The following PARD3B variants were observed in gnomAD, a reference collection of about 807,000 sequenced individuals.
The protein encoded by PARD3B is partitioning defective 3 homolog B.
PARD3B carries 103 observed loss-of-function variants against 130.2 expected under a neutral mutation model. The observed-to-expected ratio is 0.79, with a 90% CI of 0.67 to 0.93. The LOEUF is 0.93. PARD3B is among the 40% of genes least tolerant of loss of function. The pLI, the probability that PARD3B is intolerant of heterozygous loss-of-function variation, is 0.00. For synonymous variants in PARD3B, 583 were observed against 553.2 expected (o/e 1.05, Z -0.76); for missense variants, 1,609 against 1,499.2 (o/e 1.07, Z -1.21).
At chr2:204,776,682 G>A (rs12104716) in intron 2 of PARD3B, among the ~76,000 whole-genome samples, 31,374 of 151,618 alleles carry the variant, frequency 0.21, 3,357 homozygotes, top group African/African-American at 0.26. Flanking sequence ...TTAGGGTTAG[G>A]GAAGTGGGCA....
rs59994946 is a variant in PARD3B at position 204,653,284 on chromosome 2, TAAA to T, written c.121-32886_121-32884del. On this transcript the variant is annotated intron_variant, in intron 1 of 22. Transcript: ENST00000406610. ...CTGAACCTAAAATAAAAGTTAAAAT[TAAA>T]AAAAAAAAAACCTAGCTATTATGGA... Among the ~76,000 whole-genome samples, 51 of 147,610 alleles carry T rather than the reference TAAA, an allele frequency of 3.5e-4. 2 individuals are homozygous for T. The highest frequency in any genetic ancestry group is 4.6e-4 in the Non-Finnish European group (31 of 67,482).
chr2:205,204,319 G>A (rs536317792), intron 15 of PARD3B, among the ~76,000 whole-genome samples: 1 of 152,244 alleles, frequency 6.6e-6, no homozygotes, highest in East Asian at 1.9e-4. Flanking sequence ...TTGTAAATTT[G>A]TTTAAGTTCC....
chr2:204,704,201 A>G (rs1380423742), intron 2 of PARD3B, among the ~76,000 whole-genome samples: 2 of 152,202 alleles, frequency 1.3e-5, no homozygotes, highest in African/African-American at 2.4e-5. Flanking sequence ...AGAACTTTTC[A>G]TCATAACAGT....
intron 3 of PARD3B, among the ~76,000 whole-genome samples, chr2:205,022,865 C>T (rs1369758964): frequency 6.6e-6 from 1 of 152,146 alleles, no homozygotes; most frequent in Non-Finnish European, 1.5e-5. Context: ...GCAAGGCATC[C>T]TTCTACATCT....
intron 20 of PARD3B, among the ~76,000 whole-genome samples, chr2:205,488,933 T>C (rs1374559230): frequency 6.6e-6 from 1 of 152,196 alleles, no homozygotes; most frequent in Non-Finnish European, 1.5e-5. Flanking sequence ...AACAGCTATA[T>C]CTATATGAAT....
rs2042310190 is a variant in PARD3B at position 205,309,810 on chromosome 2, G to C, written c.2630+8109G>C. Among the ~76,000 whole-genome samples, 1 of 152,136 alleles carries C rather than the reference G, an allele frequency of 6.6e-6. No individual in the cohort carries two copies. Among genetic ancestry groups the C allele is most frequent in the Non-Finnish European group, 1.5e-5 (1 of 68,034 alleles). ...AAGTATAATAACACATCCTGTCCAGGTTGTTGTAAAATTTAAGTTAAACGG... is the reference window on the plus strand; with the variant it reads ...AAGTATAATAACACATCCTGTCCAGCTTGTTGTAAAATTTAAGTTAAACGG... On this transcript the variant is annotated intron_variant, in intron 18 of 22. Transcript: ENST00000406610. The surrounding 1 kb of genome is among the most constrained non-coding windows in gnomAD (Gnocchi z 4.7).
chr2:205,522,660 G>A (rs2051130180), intron 21 of PARD3B, among the ~76,000 whole-genome samples: 1 of 152,106 alleles, frequency 6.6e-6, no homozygotes, highest in African/African-American at 2.4e-5. Context: ...TTGGCTTGTG[G>A]TACTGGCACA....
At chr2:205,531,274 G>C (rs1278367765) in intron 21 of PARD3B, among the ~76,000 whole-genome samples, 1 of 152,018 alleles carries the variant, frequency 6.6e-6, no homozygotes, top group Admixed American at 6.6e-5. Flanking sequence ...ACACATCATA[G>C]GATTAATGAT....
At chr2:204,940,344 G>C (rs1457012398) in intron 2 of PARD3B, among the ~76,000 whole-genome samples, 1 of 152,216 alleles carries the variant, frequency 6.6e-6, no homozygotes, top group Non-Finnish European at 1.5e-5. Flanking sequence ...TGATCTGAGA[G>C]TTAAAGGGAT....
intron 13 of PARD3B, among the ~76,000 whole-genome samples, chr2:205,178,032 A>C (rs2035566476): frequency 6.6e-6 from 1 of 150,878 alleles, no homozygotes; most frequent in African/African-American, 2.4e-5. Context: ...TAGACCGGGC[A>C]CAGTGGCTCA....
At chr2:205,118,785 C>T in intron 6 of PARD3B, 136 bp from the exon 7 acceptor site, 1 of 668,554 alleles carries the variant, frequency 1.5e-6, no homozygotes. Context: ...ATTAAAATAA[C>T]AAACAGTTGC....
intron 18 of PARD3B, among the ~76,000 whole-genome samples, chr2:205,308,624 A>AAACAAC (rs2042271021): frequency 6.6e-6 from 1 of 150,988 alleles, no homozygotes; most frequent in Non-Finnish European, 1.5e-5. Context: ...AAAAAACCAA[A>AAACAAC]CAACAAAACA....
intron 3 of PARD3B, among the ~76,000 whole-genome samples, chr2:205,000,759 A>C (rs1694762422): frequency 6.6e-6 from 1 of 152,132 alleles, no homozygotes; most frequent in Non-Finnish European, 1.5e-5. Flanking sequence ...TTTCAAACTG[A>C]TTTCCTGAGT....
At chr2:204,774,498 G>A (rs186849897) in intron 2 of PARD3B, among the ~76,000 whole-genome samples, 1 of 152,000 alleles carries the variant, frequency 6.6e-6, no homozygotes, top group Non-Finnish European at 1.5e-5. Flanking sequence ...TGGTTATTTT[G>A]AATTATTTTA....
intron 2 of PARD3B, among the ~76,000 whole-genome samples, chr2:204,877,416 A>T (rs1197830020): frequency 6.6e-6 from 1 of 152,168 alleles, no homozygotes; most frequent in East Asian, 1.9e-4. Flanking sequence ...AAAAAAAAGA[A>T]AATACAGTAC....
chr2:204,580,413 C>CTGA (rs1158466641), intron 1 of PARD3B, among the ~76,000 whole-genome samples: 2 of 152,128 alleles, frequency 1.3e-5, no homozygotes, highest in Non-Finnish European at 2.9e-5. Flanking sequence ...CACACTGGAG[C>CTGA]TTCACCACCT....
At chr2:205,360,358 A>G (rs2105876885) in intron 18 of PARD3B, among the ~76,000 whole-genome samples, 1 of 152,260 alleles carries the variant, frequency 6.6e-6, no homozygotes. Flanking sequence ...ATAGTAATCA[A>G]GTACATCATA....
At chr2:205,455,695 A>G (rs535992315) in intron 20 of PARD3B, among the ~76,000 whole-genome samples, 12 of 152,168 alleles carry the variant, frequency 7.9e-5, no homozygotes, top group African/African-American at 2.9e-4. Flanking sequence ...AAATTTTTCT[A>G]GAGTCAGAAG....
At chr2:204,940,443 G>A (rs1200544154) in intron 2 of PARD3B, among the ~76,000 whole-genome samples, 1 of 151,592 alleles carries the variant, frequency 6.6e-6, no homozygotes, top group East Asian at 1.9e-4. Flanking sequence ...AGAAGGACAG[G>A]TTGTTTCATT....
Sources: allele counts gnomAD v4.1 joint callset (sites outside exome capture counted in the v4.1 genomes callset), GRCh38; gene constraint gnomAD v4.1.1; non-coding constraint Gnocchi (gnomAD v3.1); transcripts MANE v1.5; gene names NCBI Gene and HGNC (gene_info 2026-07-23, HGNC 2026-07-21).